Variants in DNAJC16 observed in about 807,000 individuals in gnomAD.
DNAJC16 encodes DnaJ heat shock protein family (Hsp40) member C16.
A neutral mutation model predicts 92.7 loss-of-function variants in DNAJC16; 76 were observed. The observed-to-expected ratio is 0.82, with a 90% CI of 0.68 to 0.99. The LOEUF (loss-of-function observed/expected upper bound fraction) is 0.99. Among genes scored for constraint, DNAJC16 ranks in the 50% least tolerant of loss-of-function variants. The pLI is 0.00. For missense variants in DNAJC16, 869 were observed against 942.4 expected, an observed-to-expected ratio of 0.92 and a Z score of 1.02; for synonymous variants, 328 against 358.7, an observed-to-expected ratio of 0.91 and a Z score of 0.97.
At chr1:15,530,616 A>G (rs897561890) in intron 2 of DNAJC16, among the ~76,000 whole-genome samples, 1 of 152,260 alleles carries the variant, frequency 6.6e-6, no homozygotes, top group African/African-American at 2.4e-5. Flanking sequence ...AGCACCTACT[A>G]CATGCTAATC....
Position 15,529,230 on chromosome 1 carries a change from A to G in DNAJC16, c.125A>G (p.Gln42Arg), listed in dbSNP as rs748978387. ...CTAGGGGTCAGCCGAACAGCCAGTC[A>G]GGCTGATATTAAAAAGGCTTATAAG... Reference protein sequence around the residue: ...RVLGVSRTASQADIKKAYKKL... With the variant: ...RVLGVSRTASRADIKKAYKKL... The change falls in exon 2 of 15, where the codon CAG becomes CGG. Residue 42 changes from glutamine to arginine, a missense_variant. By Grantham distance (43) the Gln-to-Arg change is conservative. Transcript: ENST00000375847. 1 of 1,613,352 alleles carries G rather than the reference A, an allele frequency of 6.2e-7. No homozygotes were observed. The highest frequency in any genetic ancestry group is 8.5e-7 in the Non-Finnish European group (1 of 1,179,474).
chr1:15,552,035 A>AG (rs1638455765), intron 7 of DNAJC16, among the ~76,000 whole-genome samples: 1 of 151,124 alleles, frequency 6.6e-6, no homozygotes, highest in Admixed American at 6.6e-5. Flanking sequence ...TCTCAAAAAA[A>AG]AAAAAATTTT....
chr1:15,548,874 A>T (rs1466820400), intron 7 of DNAJC16, among the ~76,000 whole-genome samples: 1 of 152,214 alleles, frequency 6.6e-6, no homozygotes, highest in Non-Finnish European at 1.5e-5. Context: ...ATGTAAAGTT[A>T]AAAAACTGGG....
Position 15,563,957 on chromosome 1 carries a change from C to T in DNAJC16, c.1367C>T (p.Ala456Val), listed in dbSNP as rs1440843505. The T allele has an allele frequency of 1.9e-6, 3 of 1,613,882 alleles. No individual in the cohort carries two copies. The highest frequency in any genetic ancestry group is 2.2e-5 in the East Asian group (1 of 44,884). Residue 456 changes from alanine (A) to valine (V), a missense_variant, in exon 10 of 15, where the codon GCA (alanine) becomes GTA (valine). Ala to Val is a moderately conservative substitution (Grantham distance 64). Coordinates refer to ENST00000375847, the MANE Select transcript of DNAJC16 (RefSeq NM_015291.4). ...TCTATTTTAGAAAGGCGCAACACAG[C>T]AGGAAGGGTGGTGTATAAAACCCTG... Reference protein sequence around the residue: ...AVSILERRNTAGRVVYKTLED... With the variant: ...AVSILERRNTVGRVVYKTLED...
At chr1:15,563,869 C>T in intron 9 of DNAJC16, 60 bp from the exon 10 acceptor site, 1 of 1,290,542 alleles carries the variant, frequency 7.7e-7, no homozygotes, top group Admixed American at 2.3e-5. Context: ...AAAAAGCAAA[C>T]AACTGTAACT....
chr1:15,553,165 G>GT lies in DNAJC16; in HGVS notation c.1023+4744dup, dbSNP rs374088846. On this transcript the variant is annotated intron_variant, in intron 7 of 14. Coordinates refer to ENST00000375847, the MANE Select transcript of DNAJC16 (RefSeq NM_015291.4). ...TTATATGTTCATCTCTTTTTTTCCT[G>GT]TTTTTTTCTCATAGTCTTTTGTTTA... is the stretch of plus-strand genomic sequence containing the variant. 2.3e-3 allele frequency among the ~76,000 whole-genome samples: 354 copies of GT among 151,630 alleles called. 1 individual carries two copies. The highest frequency in any genetic ancestry group is 0.014 in the Middle Eastern group (4 of 294).
chr1:15,541,376 C>T lies in DNAJC16; in HGVS notation c.575-3023C>T, dbSNP rs374866343. Among the ~76,000 whole-genome samples the T allele has an allele frequency of 2.2e-4, 33 of 152,260 alleles. No homozygotes were observed. The East Asian group carries it at 5.8e-3, about 27-fold the overall frequency. Reference sequence around the variant, plus strand: ...GTGTGATATAGTATACTGTACTTGGCTCTAGAGAAGAGCCAAGAATCCAAT... The same window carrying T: ...GTGTGATATAGTATACTGTACTTGGTTCTAGAGAAGAGCCAAGAATCCAAT... On this transcript the variant is annotated intron_variant, in intron 4 of 14. Coordinates refer to ENST00000375847, the MANE Select transcript of DNAJC16 (RefSeq NM_015291.4).
intron 7 of DNAJC16, among the ~76,000 whole-genome samples, chr1:15,556,658 ACTT>A (rs111838105): frequency 0.27 from 41,411 of 151,912 alleles, 6,420 homozygotes; most frequent in African/African-American, 0.42. Flanking sequence ...TGACAATTTT[ACTT>A]CTTTTTTTTT....
intron 1 of DNAJC16, among the ~76,000 whole-genome samples, chr1:15,528,432 CA>C (rs34313385): frequency 0.61 from 88,749 of 145,006 alleles, 26,655 homozygotes; most frequent in African/African-American, 0.72. Context: ...AACTCCGTCT[CA>C]AAAAAAAAAA....
In DNAJC16 at chr1:15,567,763, C is replaced by G; in HGVS notation, c.1950-15C>G. 1 of 1,604,430 alleles carries G rather than the reference C, an allele frequency of 6.2e-7. No individual in the cohort carries two copies. Among genetic ancestry groups the G allele is most frequent in the Non-Finnish European group, 8.5e-7 (1 of 1,175,276 alleles). On this transcript the variant is annotated splice_polypyrimidine_tract_variant and intron_variant, in intron 14 of 14. Coordinates refer to ENST00000375847, the MANE Select transcript of DNAJC16 (RefSeq NM_015291.4). ...CAGGAAATGCCCTGAGTCCTCAATT[C>G]TCTTCTTCCTACAGGAGCAGCTGCC...
At chr1:15,527,660 G>T (rs959705926) in intron 1 of DNAJC16, among the ~76,000 whole-genome samples, 3 of 152,148 alleles carry the variant, frequency 2.0e-5, no homozygotes, top group African/African-American at 7.2e-5. Context: ...CCTTAACAAA[G>T]AAGAAACTGG....
chr1:15,567,087 A>G lies in DNAJC16; in HGVS notation c.1779-12A>G, dbSNP rs376157744. On this transcript the variant is annotated splice_polypyrimidine_tract_variant and intron_variant, in intron 13 of 14. Transcript: ENST00000375847. ...CCTGACAGCATCTTAACTCCTCAAT[A>G]TTTCTCCACAGCAAGATTCCTAAAA... The G allele has an allele frequency of 4.3e-5, 69 of 1,603,702 alleles. 2 individuals carry two copies. In the South Asian group the frequency reaches 7.2e-4, roughly 17 times the overall value.
chr1:15,562,335 A>AC lies in DNAJC16; in HGVS notation c.1338+10_1338+11insC. 1 of 1,610,106 alleles carries AC rather than the reference A, an allele frequency of 6.2e-7. No homozygotes were observed. The highest frequency in any genetic ancestry group is 8.5e-7 in the Non-Finnish European group (1 of 1,177,270). Reference sequence around the variant, plus strand: ...TCAAGGGAAATCAGCGGTAAGCCACAGAGTCTCTCCTCATCCCAGGCTCTT... The same window carrying AC: ...TCAAGGGAAATCAGCGGTAAGCCACACGAGTCTCTCCTCATCCCAGGCTCTT... On this transcript the variant is annotated intron_variant, in intron 9 of 14. Transcript: ENST00000375847.
At chr1:15,527,265 G>A (rs1398009913) in intron 1 of DNAJC16, among the ~76,000 whole-genome samples, 1 of 152,158 alleles carries the variant, frequency 6.6e-6, no homozygotes, top group East Asian at 1.9e-4. Flanking sequence ...GGTGTTTGCT[G>A]CTCCGAGGTC....
chr1:15,529,277 G>T lies in DNAJC16; in HGVS notation c.167+5G>T. On this transcript the variant is annotated splice_donor_5th_base_variant and intron_variant, in intron 2 of 14. Transcript: ENST00000375847. ...TAAGAAGCTCGCCCGGGAATGGTAG[G>T]TGAAACAAAGAAATAGAGGTTTAAC... The T allele has an allele frequency of 6.2e-7, 1 of 1,604,738 alleles. No individual in the cohort carries two copies. Among genetic ancestry groups the T allele is most frequent in the Non-Finnish European group, 8.5e-7 (1 of 1,173,272 alleles).
intron 3 of DNAJC16, 32 bp downstream of exon 3, chr1:15,534,335 A>G (rs758221522): frequency 1.7e-5 from 27 of 1,608,760 alleles, no homozygotes; most frequent in Non-Finnish European, 2.3e-5. Flanking sequence ...TGCATCCATT[A>G]GCTCTTACAA....
chr1:15,540,893 T>A (rs1383424785), intron 4 of DNAJC16, among the ~76,000 whole-genome samples: 1 of 151,986 alleles, frequency 6.6e-6, no homozygotes, highest in Non-Finnish European at 1.5e-5. Context: ...TTAGGGTGAG[T>A]CAGTCACTGA....
chr1:15,552,164 A>C (rs1570918056), intron 7 of DNAJC16, among the ~76,000 whole-genome samples: 1 of 150,690 alleles, frequency 6.6e-6, no homozygotes, highest in East Asian at 2.0e-4. Flanking sequence ...GAGCCACTGC[A>C]CCCAGCCCGT....
At chr1:15,566,514 G>A in intron 13 of DNAJC16, 1 of 278,712 alleles carries the variant, frequency 3.6e-6, no homozygotes, top group Non-Finnish European at 6.8e-6. Context: ...AGAGGCCAGG[G>A]TCTCCGAGAC....
Sources: gnomAD v4.1 joint callset for allele counts (sites outside exome capture counted in the v4.1 genomes callset) on GRCh38, gnomAD v4.1.1 for gene constraint, MANE v1.5 for transcripts, NCBI Gene and HGNC (gene_info 2026-07-23, HGNC 2026-07-21) for gene names.